Variants in AOAH observed in about 807,000 individuals in gnomAD.
AOAH encodes the protein acyloxyacyl hydrolase (neutrophil).
In AOAH, 64 loss-of-function variants were observed where a neutral mutation model predicts 92.2. That is an observed-to-expected ratio of 0.69 (90% confidence interval 0.57 to 0.86). AOAH has a LOEUF of 0.86. Ranked by LOEUF, AOAH falls within the 40% of genes least tolerant of loss-of-function variation. The pLI, the probability that AOAH is intolerant of heterozygous loss-of-function variation, is 0.00. For missense variants in AOAH, 656 were observed against 694.6 expected (o/e 0.94, Z 0.62); for synonymous variants, 263 against 254.5 (o/e 1.03, Z -0.32).
Position 36,616,522 on chromosome 7 carries a change from G to C in AOAH, c.752-48C>G, listed in dbSNP as rs368205058. The C allele has an allele frequency of 2.0e-6, 3 of 1,521,190 alleles. No homozygotes were observed. The African/African-American group carries it at 4.1e-5, about 21-fold the overall frequency. The allele number at this position is 1,521,190 out of a possible 1,614,324, so 94.2% of individuals were successfully genotyped here. Reference sequence around the variant, plus strand: ...ATTATTTATGCACTCAAGTAGTTTGGAACCTCCAGACTGGGTAGATATAAG... The same window carrying C: ...ATTATTTATGCACTCAAGTAGTTTGCAACCTCCAGACTGGGTAGATATAAG... On this transcript the variant is annotated intron_variant, in intron 10 of 20. Coordinates refer to ENST00000617537, the MANE Select transcript of AOAH (RefSeq NM_001637.4).
intron 16 of AOAH, among the ~76,000 whole-genome samples, chr7:36,537,371 G>A (rs1785137041): frequency 1.3e-5 from 2 of 151,990 alleles, no homozygotes; most frequent in African/African-American, 4.8e-5. Context: ...GAAGGACAAG[G>A]CAAAGGCAAA....
chr7:36,723,964 AG>A, intron 1 of AOAH, 57 bp downstream of exon 1: 1 of 1,549,468 alleles, frequency 6.5e-7, no homozygotes. Context: ...ACGCAAGCAA[AG>A]TACTGGATCC....
chr7:36,556,949 CTG>C (rs1272674219), intron 13 of AOAH, among the ~76,000 whole-genome samples: 2 of 151,032 alleles, frequency 1.3e-5, no homozygotes, highest in African/African-American at 4.9e-5. Flanking sequence ...ATTTGCCAGT[CTG>C]TGTCTTTTAA....
intron 1 of AOAH, among the ~76,000 whole-genome samples, chr7:36,701,422 T>TC (rs755763123): frequency 1.8e-4 from 27 of 151,212 alleles, no homozygotes; most frequent in Middle Eastern, 3.5e-3. Flanking sequence ...TTTTCAACTC[T>TC]TTCAGTATTT....
intron 13 of AOAH, among the ~76,000 whole-genome samples, chr7:36,575,551 G>A (rs996518681): frequency 6.6e-6 from 1 of 152,100 alleles, no homozygotes; most frequent in African/African-American, 2.4e-5. Context: ...TATTAGTACT[G>A]AAGAAATTTA....
intron 1 of AOAH, among the ~76,000 whole-genome samples, chr7:36,704,586 C>T (rs1254194563): frequency 1.3e-5 from 2 of 152,144 alleles, no homozygotes; most frequent in African/African-American, 4.8e-5. Flanking sequence ...TGGTACCATT[C>T]CTTCTGAAAC....
At chr7:36,535,970 T>C (rs1293040725) in intron 16 of AOAH, among the ~76,000 whole-genome samples, 1 of 152,170 alleles carries the variant, frequency 6.6e-6, no homozygotes, top group Non-Finnish European at 1.5e-5. Context: ...CCAGGAATTT[T>C]AGCTACTAGT....
chr7:36,576,449 GGAAGGGA>G, intron 13 of AOAH, 118 bp downstream of exon 13: 1 of 606,268 alleles, frequency 1.6e-6, no homozygotes, highest in Non-Finnish European at 2.8e-6. Flanking sequence ...CAATGGCATT[GGAAGGGA>G]GACCGTTCAT....
In AOAH at chr7:36,675,251, C is replaced by T. The variant is rs574165616; in HGVS notation, c.224-1242G>A. Reference sequence around the variant, plus strand: ...AGCCTGGGCAACAAGAGTGAAACTCCGTCTCAAATAAATAAATAAATAAAT... The same window carrying T: ...AGCCTGGGCAACAAGAGTGAAACTCTGTCTCAAATAAATAAATAAATAAAT... On this transcript the variant is annotated intron_variant, in intron 2 of 20. Coordinates refer to ENST00000617537, the MANE Select transcript of AOAH (RefSeq NM_001637.4). 8.5e-4 allele frequency among the ~76,000 whole-genome samples: 129 copies of T among 152,214 alleles called. 1 individual carries two copies. Among genetic ancestry groups the T allele is most frequent in the African/African-American group, 3.0e-3 (126 of 41,522 alleles).
At chr7:36,716,973 TAAA>T (rs2117014679) in intron 1 of AOAH, among the ~76,000 whole-genome samples, 1 of 9,708 alleles carries the variant, frequency 1.0e-4, no homozygotes, top group Non-Finnish European at 2.5e-4. Flanking sequence ...TAAAGTATAA[TAAA>T]TAAATAAATA....
At chr7:36,696,784 G>A (rs1179385562) in intron 1 of AOAH, among the ~76,000 whole-genome samples, 1 of 151,828 alleles carries the variant, frequency 6.6e-6, no homozygotes, top group African/African-American at 2.4e-5. Context: ...TGCTTGAGCC[G>A]AGACCGGGAG....
At chr7:36,701,377 A>C (rs977144567) in intron 1 of AOAH, among the ~76,000 whole-genome samples, 7 of 151,514 alleles carry the variant, frequency 4.6e-5, no homozygotes, top group African/African-American at 1.7e-4. Flanking sequence ...GGAGTGTTGA[A>C]ATTTTCAACT....
rs1791715123 is a variant in AOAH at position 36,614,509 on chromosome 7, A to G, written c.846+1871T>C. On this transcript the variant is annotated intron_variant, in intron 11 of 20. Coordinates refer to ENST00000617537, the MANE Select transcript of AOAH (RefSeq NM_001637.4). This position sits in a 1 kb window ranked among gnomAD's most constrained non-coding sequence, Gnocchi z 4.2. ...GAGCATGTGTGAGCGAGGGGACTGGAAACGGGGTCGACTCTGGATCCTGTC... is the reference window on the plus strand; with the variant it reads ...GAGCATGTGTGAGCGAGGGGACTGGGAACGGGGTCGACTCTGGATCCTGTC... 6.6e-6 allele frequency among the ~76,000 whole-genome samples: 1 copy of G among 152,180 alleles called. No individual in the cohort carries two copies. The highest frequency in any genetic ancestry group is 1.5e-5 in the Non-Finnish European group (1 of 68,028).
chr7:36,652,974 G>A (rs1260197642), intron 4 of AOAH, among the ~76,000 whole-genome samples: 2 of 152,238 alleles, frequency 1.3e-5, no homozygotes, highest in Admixed American at 6.5e-5. Context: ...GGTATATACA[G>A]TAGTAATACT....
At chr7:36,682,960 T>C (rs982869145) in intron 2 of AOAH, among the ~76,000 whole-genome samples, 5 of 152,030 alleles carry the variant, frequency 3.3e-5, no homozygotes, top group African/African-American at 1.2e-4. Flanking sequence ...TTAGAAAATA[T>C]ATATTTGAAA....
intron 12 of AOAH, among the ~76,000 whole-genome samples, chr7:36,583,225 G>A (rs12701514): frequency 0.44 from 66,579 of 151,858 alleles, 14,848 homozygotes; most frequent in Admixed American, 0.52. Flanking sequence ...AAATACCTGG[G>A]GATATTTGAT....
At chr7:36,667,506 T>C (rs535024874) in intron 3 of AOAH, among the ~76,000 whole-genome samples, 1 of 152,308 alleles carries the variant, frequency 6.6e-6, no homozygotes, top group South Asian at 2.1e-4. Flanking sequence ...AAAAACATAG[T>C]ATATATAGGA....
intron 1 of AOAH, among the ~76,000 whole-genome samples, chr7:36,688,908 T>C (rs1797216112): frequency 6.6e-6 from 1 of 152,176 alleles, no homozygotes; most frequent in Admixed American, 6.5e-5. Context: ...TATACACATG[T>C]ATATGTGTAT....
At position 36,629,858 on chromosome 7, in the gene AOAH, G is replaced by GA. The variant is rs571944921; in HGVS notation, c.521+2177dup. On this transcript the variant is annotated intron_variant, in intron 6 of 20. Coordinates refer to ENST00000617537, the MANE Select transcript of AOAH (RefSeq NM_001637.4). Reference sequence around the variant, plus strand: ...TTGTTAGGGGTTGAATTGTGTTCATGAAAAAAATATGATGAAGTCCTAACC... The same window carrying GA: ...TTGTTAGGGGTTGAATTGTGTTCATGAAAAAAAATATGATGAAGTCCTAACC... Among the ~76,000 whole-genome samples, 650 of 152,250 alleles carry GA rather than the reference G, an allele frequency of 4.3e-3. 6 individuals carry two copies. Among genetic ancestry groups the GA allele is most frequent in the African/African-American group, 0.015 (629 of 41,530 alleles).
Sources: allele counts gnomAD v4.1 joint callset (sites outside exome capture counted in the v4.1 genomes callset), GRCh38; gene constraint gnomAD v4.1.1; non-coding constraint Gnocchi (gnomAD v3.1); transcripts MANE v1.5; gene names NCBI Gene and HGNC (gene_info 2026-07-23, HGNC 2026-07-21).